Variants in MACROD2 observed in about 807,000 individuals in gnomAD.
MACROD2 encodes the protein ADP-ribose glycohydrolase MACROD2.
MACROD2 carries 36 observed loss-of-function variants against 70.4 expected under a neutral mutation model. The ratio of observed to expected loss-of-function variants is 0.51; its 90% CI spans 0.39 to 0.68. MACROD2 has a LOEUF of 0.68. Ranked by LOEUF, MACROD2 falls within the 30% of genes least tolerant of loss-of-function variation. The pLI is 0.00. For synonymous variants in MACROD2, 172 were observed against 178.8 expected (o/e 0.96, Z 0.30); for missense variants, 496 against 538.4 (o/e 0.92, Z 0.78).
chr20:15,201,263 T>C (rs2076653610), intron 5 of MACROD2, among the ~76,000 whole-genome samples: 1 of 152,044 alleles, frequency 6.6e-6, no homozygotes, highest in Non-Finnish European at 1.5e-5. Context: ...ACCTGTAAAA[T>C]AAGCCAAATG....
intron 3 of MACROD2, among the ~76,000 whole-genome samples, chr20:14,215,131 C>A (rs1240770038): frequency 7.0e-6 from 1 of 143,002 alleles, no homozygotes; most frequent in Non-Finnish European, 1.5e-5. Context: ...TATATTCCAT[C>A]ATATATATAT....
At chr20:14,824,583 C>T (rs1314340443) in intron 5 of MACROD2, among the ~76,000 whole-genome samples, 8 of 152,032 alleles carry the variant, frequency 5.3e-5, no homozygotes, top group Admixed American at 1.3e-4. Flanking sequence ...ATTCTCCTCA[C>T]GTGACCTCTC....
chr20:14,183,701 T>C (rs2081323179), intron 3 of MACROD2, among the ~76,000 whole-genome samples: 1 of 152,192 alleles, frequency 6.6e-6, no homozygotes, highest in African/African-American at 2.4e-5. Context: ...TAGCATCTGT[T>C]ATTTTGTGAC....
intron 5 of MACROD2, among the ~76,000 whole-genome samples, chr20:14,687,194 G>A (rs1345603724): frequency 1.3e-5 from 2 of 152,084 alleles, no homozygotes; most frequent in African/African-American, 4.8e-5. Flanking sequence ...CTTAAACCAA[G>A]TAATATTCCC....
rs10644931 is a variant in MACROD2 at position 15,294,120 on chromosome 20, TA to T, written c.540+64080del. 8.9e-3 allele frequency among the ~76,000 whole-genome samples: 1,059 copies of T among 118,340 alleles called. 8 individuals carry two copies. Among genetic ancestry groups the T allele is most frequent in the African/African-American group, 0.025 (780 of 31,132 alleles). 77.6% of individuals were successfully genotyped at this position (118,340 alleles called of 152,430 possible). A position where few individuals can be genotyped will look rare whatever the true frequency, so the allele number is the denominator to read the frequency against. On this transcript the variant is annotated intron_variant, in intron 6 of 17. Transcript: ENST00000684519. ...TGGGTGACAAGAGCAAAACTCTGTCTAAAAAAAAAAAAAAAAAAAAATTCAG... is the reference window on the plus strand; with the variant it reads ...TGGGTGACAAGAGCAAAACTCTGTCTAAAAAAAAAAAAAAAAAAAATTCAG...
At chr20:15,587,427 C>T (rs2048617715) in intron 8 of MACROD2, among the ~76,000 whole-genome samples, 1 of 152,128 alleles carries the variant, frequency 6.6e-6, no homozygotes, top group Non-Finnish European at 1.5e-5. Context: ...CTCATGTCCT[C>T]ACGTTTCAAA....
chr20:15,821,284 C>T (rs1458110636), intron 8 of MACROD2, among the ~76,000 whole-genome samples: 3 of 151,838 alleles, frequency 2.0e-5, no homozygotes, highest in African/African-American at 7.3e-5. Flanking sequence ...TTCTAAATAT[C>T]CAGCAATTTT....
chr20:14,368,767 A>G (rs1156293684), intron 3 of MACROD2, among the ~76,000 whole-genome samples: 1 of 152,110 alleles, frequency 6.6e-6, no homozygotes, highest in Non-Finnish European at 1.5e-5. Flanking sequence ...TAGTGTCTTG[A>G]TAGAGAATAA....
intron 5 of MACROD2, among the ~76,000 whole-genome samples, chr20:14,901,343 G>A (rs2073892850): frequency 6.6e-6 from 1 of 151,894 alleles, no homozygotes; most frequent in Non-Finnish European, 1.5e-5. Context: ...CCAATAAATT[G>A]GTAAAAGGGA....
chr20:14,439,768 G>A (rs2084100795), intron 3 of MACROD2, among the ~76,000 whole-genome samples: 1 of 152,174 alleles, frequency 6.6e-6, no homozygotes, highest in Non-Finnish European at 1.5e-5. Context: ...TAGACACATA[G>A]AAAGAACTGA....
intron 3 of MACROD2, among the ~76,000 whole-genome samples, chr20:14,110,827 C>T (rs1444326719): frequency 6.6e-6 from 1 of 151,692 alleles, no homozygotes; most frequent in Non-Finnish European, 1.5e-5. Flanking sequence ...CAGTGCAGTC[C>T]CTATCAAAAT....
At chr20:15,310,461 G>A (rs1208742783) in intron 6 of MACROD2, among the ~76,000 whole-genome samples, 1 of 152,114 alleles carries the variant, frequency 6.6e-6, no homozygotes, top group Non-Finnish European at 1.5e-5. Context: ...CCTGAGAGCT[G>A]CCAATCATGG....
chr20:15,791,243 A>T (rs1329946501), intron 8 of MACROD2, among the ~76,000 whole-genome samples: 1 of 151,966 alleles, frequency 6.6e-6, no homozygotes, highest in East Asian at 1.9e-4. Context: ...TGAAGTTAAC[A>T]TTCTTTTCTT....
At chr20:15,174,641 T>A (rs540909974) in intron 5 of MACROD2, among the ~76,000 whole-genome samples, 1 of 152,324 alleles carries the variant, frequency 6.6e-6, no homozygotes, top group South Asian at 2.1e-4. Context: ...GTGTTCCTAT[T>A]TCTCCACATC....
intron 3 of MACROD2, among the ~76,000 whole-genome samples, chr20:14,443,207 G>A (rs562210647): frequency 7.2e-5 from 11 of 151,922 alleles, no homozygotes; most frequent in Non-Finnish European, 1.2e-4. Flanking sequence ...GAAGGAGTAA[G>A]GGTGAAAGGA....
intron 2 of MACROD2, among the ~76,000 whole-genome samples, chr20:14,047,517 A>G (rs975443066): frequency 2.0e-5 from 3 of 151,564 alleles, no homozygotes; most frequent in Admixed American, 2.0e-4. Flanking sequence ...TATTCCTGGG[A>G]GTGAAAAAGA....
At chr20:14,705,242 C>T (rs1167031310) in intron 5 of MACROD2, among the ~76,000 whole-genome samples, 2 of 152,128 alleles carry the variant, frequency 1.3e-5, no homozygotes, top group Admixed American at 1.3e-4. Flanking sequence ...CTACATCTCT[C>T]CGTTCGTCTC....
chr20:15,688,119 A>G (rs1025496819), intron 8 of MACROD2, among the ~76,000 whole-genome samples: 26 of 152,352 alleles, frequency 1.7e-4, no homozygotes, highest in South Asian at 6.2e-4. Flanking sequence ...AGGCAGGAAA[A>G]TAATTTAGGT....
At chr20:14,258,668 T>G (rs1485683068) in intron 3 of MACROD2, among the ~76,000 whole-genome samples, 1 of 152,202 alleles carries the variant, frequency 6.6e-6, no homozygotes, top group Non-Finnish European at 1.5e-5. Context: ...GGTTGTCTGT[T>G]TACTCTGCTA....
Sources: gnomAD v4.1 joint callset for allele counts (sites outside exome capture counted in the v4.1 genomes callset) on GRCh38, gnomAD v4.1.1 for gene constraint, MANE v1.5 for transcripts, NCBI Gene and HGNC (gene_info 2026-07-23, HGNC 2026-07-21) for gene names.